Variants in ADAMTS16 observed in about 807,000 individuals in gnomAD.
ADAMTS16 encodes the protein A disintegrin and metalloproteinase with thrombospondin motifs 16.
Under a neutral mutation model 145.8 loss-of-function variants are expected in ADAMTS16, and 94 were observed. That is an observed-to-expected ratio of 0.64 (90% CI 0.55 to 0.77). ADAMTS16 has a LOEUF of 0.77. ADAMTS16 is among the 30% of genes least tolerant of loss of function. The pLI, the probability that ADAMTS16 is intolerant of heterozygous loss-of-function variation, is 0.00. For synonymous variants in ADAMTS16, 659 were observed against 604.3 expected (o/e 1.09, Z -1.33); for missense variants, 1,585 against 1,591.5 (o/e 1.00, Z 0.07).
chr5:5,178,992 A>G (rs1735267406), intron 3 of ADAMTS16, among the ~76,000 whole-genome samples: 1 of 152,094 alleles, frequency 6.6e-6, no homozygotes, highest in South Asian at 2.1e-4. Flanking sequence ...CTGAATTATC[A>G]GAAGGAAAGC....
At chr5:5,250,912 G>A (rs1457949038) in intron 17 of ADAMTS16, among the ~76,000 whole-genome samples, 1 of 152,062 alleles carries the variant, frequency 6.6e-6, no homozygotes, top group Non-Finnish European at 1.5e-5. Context: ...CGTCCCTTTA[G>A]GCCTTTGGAT....
chr5:5,208,440 G>A (rs1736187219), intron 9 of ADAMTS16, among the ~76,000 whole-genome samples: 4 of 152,210 alleles, frequency 2.6e-5, no homozygotes, highest in Non-Finnish European at 5.9e-5. Flanking sequence ...AGAACATCCT[G>A]GAAGAGAAGA....
intron 9 of ADAMTS16, among the ~76,000 whole-genome samples, chr5:5,204,554 T>C (rs531806588): frequency 7.9e-5 from 12 of 152,246 alleles, no homozygotes; most frequent in Admixed American, 1.3e-4. Flanking sequence ...TCAGGAGTTA[T>C]GCACCCTTGT....
chr5:5,289,601 A>G (rs4418066), intron 18 of ADAMTS16, among the ~76,000 whole-genome samples: 128,809 of 152,228 alleles, frequency 0.85, 54,958 homozygotes, highest in Non-Finnish European at 0.89. Flanking sequence ...TCTGGTTTTT[A>G]CAGATATGTC....
At chr5:5,279,254 C>T (rs879371053) in intron 18 of ADAMTS16, among the ~76,000 whole-genome samples, 2 of 152,214 alleles carry the variant, frequency 1.3e-5, no homozygotes, top group African/African-American at 4.8e-5. Flanking sequence ...TTCTGACTGC[C>T]TCCAAGGCTT....
chr5:5,189,132 C>T (rs1024098449), intron 6 of ADAMTS16, among the ~76,000 whole-genome samples: 4 of 152,158 alleles, frequency 2.6e-5, no homozygotes, highest in South Asian at 2.1e-4. Flanking sequence ...AATTTCAATA[C>T]GACATCCTAA....
chr5:5,307,558 G>T (rs1182569235), intron 21 of ADAMTS16, among the ~76,000 whole-genome samples: 2 of 152,106 alleles, frequency 1.3e-5, no homozygotes, highest in African/African-American at 4.8e-5. Context: ...TCACTGTCTC[G>T]CCCATCTCCA....
intron 18 of ADAMTS16, among the ~76,000 whole-genome samples, chr5:5,291,065 A>G (rs951742959): frequency 6.6e-6 from 1 of 152,210 alleles, no homozygotes; most frequent in African/African-American, 2.4e-5. Flanking sequence ...AAATTTCTCA[A>G]TAGTTCTCAT....
chr5:5,239,231 C>A lies in ADAMTS16; in HGVS notation c.2235C>A (p.Cys745Ter). ...CGVCNGNNSA[C>*]TIHRGLYTKH... is the part of the protein sequence containing the mutation. ...TGTGTAACGGGAATAACTCAGCCTG[C>A]ACGATTCACAGGGGTCTCTACACCA... The change falls in exon 15 of 23, where the codon TGC (cysteine) becomes TGA (stop). Residue 745 changes from cysteine (C) to a stop codon, truncating the protein, a stop_gained. Transcript: ENST00000274181. LOFTEE classifies it high-confidence loss of function. The A allele has an allele frequency of 6.2e-7, 1 of 1,601,992 alleles. No individual in the cohort carries two copies. Among genetic ancestry groups the A allele is most frequent in the Non-Finnish European group, 8.5e-7 (1 of 1,175,018 alleles).
chr5:5,297,227 G>A (rs1739576660), intron 18 of ADAMTS16, among the ~76,000 whole-genome samples: 2 of 152,204 alleles, frequency 1.3e-5, no homozygotes, highest in South Asian at 4.1e-4. Context: ...AGACAGAGGT[G>A]TCTGTAAGCA....
chr5:5,221,012 G>T (rs1405048642), intron 10 of ADAMTS16, among the ~76,000 whole-genome samples: 1 of 152,078 alleles, frequency 6.6e-6, no homozygotes, highest in Non-Finnish European at 1.5e-5. Flanking sequence ...CGGTCCAGGA[G>T]GCCTCTGTGA....
chr5:5,270,942 C>G (rs976155549), intron 18 of ADAMTS16, among the ~76,000 whole-genome samples: 1 of 152,148 alleles, frequency 6.6e-6, no homozygotes, highest in Admixed American at 6.5e-5. Flanking sequence ...GGGAATAAGC[C>G]GCACTCTCCT....
chr5:5,230,364 CACTAG>C (rs1428781461), intron 11 of ADAMTS16, among the ~76,000 whole-genome samples: 1 of 152,140 alleles, frequency 6.6e-6, no homozygotes, highest in African/African-American at 2.4e-5. Flanking sequence ...TTTGAATACT[CACTAG>C]ACATTTGATG....
intron 21 of ADAMTS16, among the ~76,000 whole-genome samples, chr5:5,315,951 A>G (rs929216872): frequency 2.6e-5 from 4 of 152,114 alleles, no homozygotes; most frequent in African/African-American, 9.7e-5. Flanking sequence ...CCTCATCCAG[A>G]GGGGAAAAAA....
chr5:5,198,551 G>A (rs1735870769), intron 8 of ADAMTS16, among the ~76,000 whole-genome samples: 1 of 152,146 alleles, frequency 6.6e-6, no homozygotes, highest in African/African-American at 2.4e-5. Flanking sequence ...AACCCTGGAT[G>A]TAGTCTTTCT....
At chr5:5,144,942 G>A (rs566241973) in intron 2 of ADAMTS16, among the ~76,000 whole-genome samples, 7 of 152,264 alleles carry the variant, frequency 4.6e-5, no homozygotes, top group Non-Finnish European at 1.0e-4. Context: ...GGTGGAGCCC[G>A]TGGGAGATGC....
intron 9 of ADAMTS16, among the ~76,000 whole-genome samples, chr5:5,203,519 A>G (rs552887063): frequency 3.3e-4 from 50 of 152,320 alleles, no homozygotes; most frequent in African/African-American, 1.1e-3. Context: ...AAGGGAACTC[A>G]ATTGGCCTGA....
chr5:5,232,480 G>T lies in ADAMTS16; in HGVS notation c.1814G>T (p.Gly605Val). 6.2e-7 allele frequency: 1 copy of T among 1,613,976 alleles called. No homozygotes were observed. The highest frequency in any genetic ancestry group is 8.5e-7 in the Non-Finnish European group (1 of 1,179,986). The change falls in exon 12 of 23, where the codon GGA becomes GTA. Residue 605 changes from glycine to valine, a missense_variant. This residue lies in a region of ADAMTS16 where 834 missense variants were observed against 811.7 expected (regional missense o/e 1.03). Transcript: ENST00000274181. Reference protein sequence around the residue: ...WSPCSRTCGGGVSHRSRLCTN... With the variant: ...WSPCSRTCGGVVSHRSRLCTN... ...CCATGCTCCAGGACCTGCGGAGGGG[G>T]AGTATCTCATAGGAGTCGCCTCTGC... is the stretch of plus-strand genomic sequence containing the variant.
At chr5:5,232,737 G>A (rs1736971932) in intron 12 of ADAMTS16, among the ~76,000 whole-genome samples, 1 of 151,606 alleles carries the variant, frequency 6.6e-6, no homozygotes, top group East Asian at 1.9e-4. Flanking sequence ...CCAAGTAGCT[G>A]GGACTATAGG....
Sources: allele counts gnomAD v4.1 joint callset (sites outside exome capture counted in the v4.1 genomes callset), GRCh38; gene constraint gnomAD v4.1.1; regional missense constraint gnomAD v4.1.1; transcripts MANE v1.5; gene names NCBI Gene and HGNC (gene_info 2026-07-23, HGNC 2026-07-21).